Variants in ARMH3 observed in about 807,000 individuals in gnomAD.
ARMH3 encodes armadillo-like helical domain-containing protein 3.
In ARMH3, 60 loss-of-function variants were observed where a neutral mutation model predicts 99.1. The observed-to-expected ratio is 0.61, with a 90% CI of 0.49 to 0.75. The LOEUF is 0.75. Ranked by LOEUF, ARMH3 falls within the 30% of genes least tolerant of loss-of-function variation. The probability of loss-of-function intolerance (pLI) is 0.00; values close to 1 mark genes in which losing one functional copy is unlikely to be tolerated. For missense variants in ARMH3, 679 were observed against 843.1 expected, an observed-to-expected ratio of 0.81 and a Z score of 2.41; for synonymous variants, 285 against 292.8, an observed-to-expected ratio of 0.97 and a Z score of 0.27.
intron 1 of ARMH3, among the ~76,000 whole-genome samples, chr10:102,055,310 T>C (rs1321926567): frequency 6.6e-6 from 1 of 151,094 alleles, no homozygotes; most frequent in Admixed American, 6.6e-5. Flanking sequence ...AATAAATAAA[T>C]AAATAAATAA....
At chr10:102,050,897 C>T (rs1017413539) in intron 1 of ARMH3, among the ~76,000 whole-genome samples, 8 of 149,040 alleles carry the variant, frequency 5.4e-5, no homozygotes, top group African/African-American at 1.7e-4. Context: ...GTGGCTCACG[C>T]CTGTAATCTC....
chr10:101,939,789 A>G, intron 23 of ARMH3, 74 bp downstream of exon 23: 4 of 1,319,236 alleles, frequency 3.0e-6, no homozygotes, highest in Non-Finnish European at 4.3e-6. Flanking sequence ...TGTTCAACAC[A>G]CTTTACTTAG....
rs1434667715 is a variant in ARMH3 at position 101,995,138 on chromosome 10, C to T, written c.1209+159G>A. On this transcript the variant is annotated intron_variant, in intron 16 of 25. Coordinates refer to ENST00000370033, the MANE Select transcript of ARMH3 (RefSeq NM_024541.3). ...CTATCCATGGCTTCATCGAAGACTACACTCTAGTGGGAGAAGACAGATAAT... is the reference window on the plus strand; with the variant it reads ...CTATCCATGGCTTCATCGAAGACTATACTCTAGTGGGAGAAGACAGATAAT... 7.2e-5 allele frequency among the ~76,000 whole-genome samples: 11 copies of T among 152,250 alleles called. No homozygotes were observed. The East Asian group carries it at 1.9e-3, about 27-fold the overall frequency.
At chr10:101,922,541 C>A (rs1375790233) in intron 23 of ARMH3, among the ~76,000 whole-genome samples, 2 of 152,154 alleles carry the variant, frequency 1.3e-5, no homozygotes, top group Non-Finnish European at 2.9e-5. Context: ...TGTAATACAG[C>A]CACCGTGCCC....
intron 23 of ARMH3, among the ~76,000 whole-genome samples, chr10:101,891,195 T>C (rs1023688930): frequency 6.6e-6 from 1 of 151,248 alleles, no homozygotes; most frequent in African/African-American, 2.4e-5. Context: ...TTTCTTTCTT[T>C]CTTCCTTTTT....
chr10:101,993,720 A>G (rs575701556), intron 16 of ARMH3, 117 bp from the exon 17 acceptor site: 85 of 658,714 alleles, frequency 1.3e-4, no homozygotes, highest in Non-Finnish European at 2.0e-4. Flanking sequence ...TCAGCTGGAC[A>G]GCTAATAGGA....
chr10:102,048,801 A>G (rs1490498036), intron 1 of ARMH3, among the ~76,000 whole-genome samples: 1 of 152,134 alleles, frequency 6.6e-6, no homozygotes, highest in African/African-American at 2.4e-5. Flanking sequence ...CTGATCTCCT[A>G]AAAATTCCCT....
chr10:101,984,274 T>C (rs1225892419), intron 19 of ARMH3, among the ~76,000 whole-genome samples: 2 of 152,230 alleles, frequency 1.3e-5, no homozygotes, highest in South Asian at 2.1e-4. Context: ...TGCTGATTTT[T>C]AGAAATTGTG....
intron 22 of ARMH3, among the ~76,000 whole-genome samples, chr10:101,942,260 G>A (rs1844273800): frequency 6.6e-6 from 1 of 152,030 alleles, no homozygotes; most frequent in Non-Finnish European, 1.5e-5. Flanking sequence ...CAAAAAAAAT[G>A]AATTGTATGT....
intron 23 of ARMH3, among the ~76,000 whole-genome samples, chr10:101,922,923 C>CT (rs1241422674): frequency 6.6e-5 from 10 of 152,020 alleles, no homozygotes; most frequent in African/African-American, 1.9e-4. Context: ...AAAATGGTGT[C>CT]TAATGAGAGA....
chr10:101,989,796 G>A (rs1031978431), intron 19 of ARMH3, among the ~76,000 whole-genome samples: 16 of 152,310 alleles, frequency 1.1e-4, no homozygotes, highest in Admixed American at 8.5e-4. Flanking sequence ...CTCTCCCGGC[G>A]AGGCCACTGG....
chr10:101,928,607 C>T (rs1247803779), intron 23 of ARMH3, among the ~76,000 whole-genome samples: 1 of 152,078 alleles, frequency 6.6e-6, no homozygotes, highest in Non-Finnish European at 1.5e-5. Context: ...AGTTTGAGGC[C>T]GCAATGAGCT....
At chr10:101,990,773 G>A (rs1423012258) in intron 18 of ARMH3, among the ~76,000 whole-genome samples, 162 bp from the exon 19 acceptor site, 1 of 152,108 alleles carries the variant, frequency 6.6e-6, no homozygotes, top group Non-Finnish European at 1.5e-5. Context: ...CGCATTTTGT[G>A]TAACACTGTT....
intron 24 of ARMH3, among the ~76,000 whole-genome samples, chr10:101,866,544 G>A (rs1030298743): frequency 9.9e-5 from 15 of 151,632 alleles, no homozygotes; most frequent in Admixed American, 8.5e-4. Flanking sequence ...CTGCAGCTAC[G>A]CCAGCAGGCA....
chr10:102,049,296 C>T (rs1034697051), intron 1 of ARMH3, among the ~76,000 whole-genome samples: 14 of 152,164 alleles, frequency 9.2e-5, no homozygotes, highest in African/African-American at 3.4e-4. Context: ...AATCCCAGTA[C>T]TTTGGGAGGC....
chr10:102,037,907 T>A (rs1328194906), intron 2 of ARMH3, among the ~76,000 whole-genome samples: 2 of 151,872 alleles, frequency 1.3e-5, no homozygotes, highest in Admixed American at 6.6e-5. Context: ...GGATTCTATC[T>A]ATCACTTTCT....
chr10:101,853,243 G>A (rs981200960), intron 24 of ARMH3, among the ~76,000 whole-genome samples: 2 of 151,952 alleles, frequency 1.3e-5, no homozygotes, highest in Admixed American at 1.3e-4. Context: ...TATACCTGAG[G>A]AAAGTTGCCT....
chr10:101,876,110 A>C (rs1423777570), intron 24 of ARMH3, among the ~76,000 whole-genome samples: 1 of 151,962 alleles, frequency 6.6e-6, no homozygotes, highest in African/African-American at 2.4e-5. Context: ...TCAGCTGGGC[A>C]TGGTGGCACG....
intron 22 of ARMH3, among the ~76,000 whole-genome samples, chr10:101,954,476 G>A (rs1413495035): frequency 6.6e-6 from 1 of 152,156 alleles, no homozygotes; most frequent in Admixed American, 6.5e-5. Context: ...TTCTGCAAAA[G>A]GCAAAACCAA....
Sources: gnomAD v4.1 joint callset for allele counts (sites outside exome capture counted in the v4.1 genomes callset) on GRCh38, gnomAD v4.1.1 for gene constraint, MANE v1.5 for transcripts, NCBI Gene and HGNC (gene_info 2026-07-23, HGNC 2026-07-21) for gene names.